Variants in RAB27A observed in about 807,000 individuals in gnomAD.
The protein encoded by RAB27A is ras-related protein Rab-27A.
In RAB27A, 17 loss-of-function variants were observed where a neutral mutation model predicts 20.8. The ratio of observed to expected loss-of-function variants is 0.82; its 90% CI spans 0.56 to 1.23. The LOEUF (loss-of-function observed/expected upper bound fraction) is 1.23, where lower values mean the gene tolerates loss of function less well. RAB27A is among the 50% of genes most tolerant of loss of function. The pLI is 0.00. For missense variants in RAB27A, 277 were observed against 266.7 expected (o/e 1.04, Z -0.27); for synonymous variants, 85 against 92.8 (o/e 0.92, Z 0.48).
At chr15:55,274,803 T>TATACATATATATATATATATAC (rs1897811676) in intron 1 of RAB27A, among the ~76,000 whole-genome samples, 1 of 121,904 alleles carries the variant, frequency 8.2e-6, no homozygotes, top group African/African-American at 3.4e-5. Flanking sequence ...ATTATATATA[T>TATACATATATATATATATATAC]ATATATATAT....
chr15:55,252,630 T>C (rs1321767446), intron 2 of RAB27A, among the ~76,000 whole-genome samples: 1 of 151,380 alleles, frequency 6.6e-6, no homozygotes, highest in Non-Finnish European at 1.5e-5. Flanking sequence ...AAATAATAAT[T>C]CATCCATGCA....
intron 1 of RAB27A, among the ~76,000 whole-genome samples, chr15:55,277,637 T>C (rs1897911221): frequency 6.6e-6 from 1 of 152,198 alleles, no homozygotes; most frequent in Admixed American, 6.5e-5. Flanking sequence ...ACAAGGCACC[T>C]GGAAACCAAA....
intron 1 of RAB27A, among the ~76,000 whole-genome samples, chr15:55,284,955 G>T (rs1241842505): frequency 6.6e-6 from 1 of 152,074 alleles, no homozygotes; most frequent in African/African-American, 2.4e-5. Context: ...ATCAGCCATG[G>T]CTCAATCATT....
chr15:55,237,139 G>C (rs1566912983), intron 2 of RAB27A, among the ~76,000 whole-genome samples: 1 of 152,162 alleles, frequency 6.6e-6, no homozygotes, highest in Non-Finnish European at 1.5e-5. Flanking sequence ...GGATGCTACT[G>C]ACTCCCGGCG....
intron 3 of RAB27A, among the ~76,000 whole-genome samples, chr15:55,231,331 A>G (rs1896024722): frequency 6.6e-6 from 1 of 152,280 alleles, no homozygotes; most frequent in Middle Eastern, 3.4e-3. Flanking sequence ...CCCATCCCAA[A>G]TTTTAAAAGT....
intron 2 of RAB27A, among the ~76,000 whole-genome samples, chr15:55,267,774 A>G (rs1401007107): frequency 6.6e-6 from 1 of 152,190 alleles, no homozygotes; most frequent in Non-Finnish European, 1.5e-5. Flanking sequence ...GGAAGAAGAC[A>G]GTTTCCCCTA....
intron 2 of RAB27A, among the ~76,000 whole-genome samples, chr15:55,297,131 A>G (rs1360179649): frequency 6.6e-6 from 1 of 152,186 alleles, no homozygotes; most frequent in Non-Finnish European, 1.5e-5. Context: ...GAAACAGTTT[A>G]TTGGTACCAG....
chr15:55,234,765 A>G lies in RAB27A; in HGVS notation c.153+17T>C. 1 of 1,598,756 alleles carries G rather than the reference A, an allele frequency of 6.3e-7. No individual in the cohort carries two copies. Among genetic ancestry groups the G allele is most frequent in the Non-Finnish European group, 8.6e-7 (1 of 1,166,704 alleles). On this transcript the variant is annotated intron_variant, in intron 3 of 6. Transcript: ENST00000336787. ...ACTTAACGATTACATTTTTACATAG[A>G]AGGATATAGAACTTACCACTCTTTT... is the stretch of plus-strand genomic sequence containing the variant.
intron 6 of RAB27A, among the ~76,000 whole-genome samples, chr15:55,223,614 A>T (rs550437010): frequency 6.6e-6 from 1 of 152,158 alleles, no homozygotes; most frequent in Non-Finnish European, 1.5e-5. Flanking sequence ...AAGGCCTTAC[A>T]TACTTAAGGC....
At chr15:55,218,446 G>A (rs1895414213) in intron 6 of RAB27A, among the ~76,000 whole-genome samples, 1 of 152,192 alleles carries the variant, frequency 6.6e-6, no homozygotes, top group African/African-American at 2.4e-5. Context: ...AGTTTTAAAA[G>A]ACTAAACTAT....
At chr15:55,285,451 T>C (rs1179272700) in intron 1 of RAB27A, among the ~76,000 whole-genome samples, 1 of 151,644 alleles carries the variant, frequency 6.6e-6, no homozygotes, top group Non-Finnish European at 1.5e-5. Context: ...AACCAGAGAG[T>C]CCAAACAGAG....
At chr15:55,217,425 C>T (rs1412827918) in intron 6 of RAB27A, among the ~76,000 whole-genome samples, 2 of 151,716 alleles carry the variant, frequency 1.3e-5, no homozygotes, top group African/African-American at 4.8e-5. Flanking sequence ...TTTGGGAGGC[C>T]GAGACTTGTG....
chr15:55,276,035 T>C (rs986395061), intron 1 of RAB27A, among the ~76,000 whole-genome samples: 3 of 152,024 alleles, frequency 2.0e-5, no homozygotes, highest in Non-Finnish European at 2.9e-5. Flanking sequence ...GAAAACATTA[T>C]GGAGCTTCTT....
Position 55,224,032 on chromosome 15 carries a change from T to G in RAB27A, c.344-20A>C. 6.6e-7 allele frequency: 1 copy of G among 1,522,126 alleles called. No individual in the cohort carries two copies. The highest frequency in any genetic ancestry group is 1.1e-5 in the South Asian group (1 of 88,632). The allele number at this position is 1,522,126 out of a possible 1,614,324, so 94.3% of individuals were successfully genotyped here. A position where few individuals can be genotyped will look rare whatever the true frequency, so the allele number is the denominator to read the frequency against. On this transcript the variant is annotated intron_variant, in intron 5 of 6. Transcript: ENST00000336787. ...GCTGGCCTATTAATATAAGAAAGTT[T>G]ATTATATATGTAAATAATAATGTAA... is the stretch of plus-strand genomic sequence containing the variant.
intron 1 of RAB27A, among the ~76,000 whole-genome samples, chr15:55,279,321 TG>T (rs1045138327): frequency 6.6e-6 from 1 of 152,068 alleles, no homozygotes; most frequent in African/African-American, 2.4e-5. Context: ...CAGGTGAAAA[TG>T]GATCCAGGAC....
intron 6 of RAB27A, among the ~76,000 whole-genome samples, chr15:55,215,609 G>T (rs1423271946): frequency 7.3e-6 from 1 of 136,086 alleles, no homozygotes. Context: ...CCGAGATCGC[G>T]CCACTGCACT....
intron 1 of RAB27A, among the ~76,000 whole-genome samples, chr15:55,283,007 C>T (rs1443584482): frequency 6.6e-6 from 1 of 152,230 alleles, no homozygotes; most frequent in South Asian, 2.1e-4. Context: ...AAGACAACAG[C>T]GGTAGTTAGG....
intron 6 of RAB27A, among the ~76,000 whole-genome samples, chr15:55,210,230 C>T (rs113679855): frequency 0.25 from 36,345 of 142,878 alleles, 6,461 homozygotes; most frequent in African/African-American, 0.48. Context: ...TGTATATATA[C>T]ACACATATAT....
At chr15:55,306,925 G>A (rs1734339347) in intron 2 of RAB27A, among the ~76,000 whole-genome samples, 1 of 152,160 alleles carries the variant, frequency 6.6e-6, no homozygotes, top group Admixed American at 6.5e-5. Flanking sequence ...GTTGTTGCTT[G>A]AAGAGCAGGC....
Sources: allele counts gnomAD v4.1 joint callset (sites outside exome capture counted in the v4.1 genomes callset), GRCh38; gene constraint gnomAD v4.1.1; transcripts MANE v1.5; gene names NCBI Gene and HGNC (gene_info 2026-07-23, HGNC 2026-07-21).